BRINP1: variants seen among roughly 807,000 people sequenced by gnomAD.
BRINP1 encodes the protein BMP/retinoic acid inducible neural specific 1.
BRINP1 carries 17 observed loss-of-function variants against 72.9 expected under a neutral mutation model. That is an observed-to-expected ratio of 0.23 (90% confidence interval 0.16 to 0.35). The LOEUF (loss-of-function observed/expected upper bound fraction) is 0.35, where lower values mean the gene tolerates loss of function less well. BRINP1 is among the 10% of genes least tolerant of loss of function. The pLI, the probability that BRINP1 is intolerant of heterozygous loss-of-function variation, is 1.00. For missense variants in BRINP1, 850 were observed against 1,001.6 expected, an observed-to-expected ratio of 0.85 and a Z score of 2.04; for synonymous variants, 418 against 378.5, an observed-to-expected ratio of 1.10 and a Z score of -1.21.
rs145751969 is a variant in BRINP1, at chr9:119,330,206, C to T, written c.-50-16801G>A. On this transcript the variant is annotated intron_variant, in intron 1 of 7. Coordinates refer to ENST00000265922, the MANE Select transcript of BRINP1 (RefSeq NM_014618.3). ...TTCTCTGCCTTTTGCTAAACCAGAGCCATCTAATTTCCCTGTTAAGACTGA... is the reference window on the plus strand; with the variant it reads ...TTCTCTGCCTTTTGCTAAACCAGAGTCATCTAATTTCCCTGTTAAGACTGA... Among the ~76,000 whole-genome samples the T allele has an allele frequency of 5.8e-3, 886 of 152,266 alleles. 6 individuals are homozygous for T. Among genetic ancestry groups the T allele is most frequent in the South Asian group, 0.018 (88 of 4,820 alleles).
intron 1 of BRINP1, among the ~76,000 whole-genome samples, chr9:119,358,382 T>A (rs1831592543): frequency 1.7e-5 from 2 of 116,262 alleles, no homozygotes; most frequent in South Asian, 6.7e-4. Context: ...AGAGTTTATA[T>A]GTATTAAAAA....
At position 119,208,889 on chromosome 9, in the gene BRINP1, G is replaced by A. The variant is rs748085603; in HGVS notation, c.975C>T (p.Ile325=). The change falls in exon 7 of 8, where the codon ATC becomes ATT. Residue 325 remains isoleucine (I), a synonymous_variant. Transcript: ENST00000265922. ...KRLPSNHFLT[I]GSIHQHWGND... ...TGCCCCAGTGCTGATGGATGCTTCC[G>A]ATGGTCAGGAAGTGGTTGCTGGGGA... 26 of 1,614,050 alleles carry A rather than the reference G, an allele frequency of 1.6e-5. No individual in the cohort carries two copies. Among genetic ancestry groups the A allele is most frequent in the East Asian group, 6.7e-5 (3 of 44,880 alleles).
chr9:119,296,672 T>G (rs1176048213), intron 2 of BRINP1, among the ~76,000 whole-genome samples: 2 of 152,168 alleles, frequency 1.3e-5, no homozygotes, highest in Non-Finnish European at 2.9e-5. Flanking sequence ...AAGTGAAACA[T>G]TATTCAACCT....
At chr9:119,209,001 G>T (rs1035111618) in intron 6 of BRINP1, 60 bp from the exon 7 acceptor site, 2 of 1,391,026 alleles carry the variant, frequency 1.4e-6, no homozygotes, top group Admixed American at 1.7e-5. Flanking sequence ...ATCTAAAGTG[G>T]CCTTGAATGC....
At chr9:119,240,596 C>G (rs1260703619) in intron 4 of BRINP1, among the ~76,000 whole-genome samples, 1 of 152,156 alleles carries the variant, frequency 6.6e-6, no homozygotes, top group Admixed American at 6.5e-5. Flanking sequence ...ACTCTGACTC[C>G]GATGGCTTCA....
At chr9:119,198,579 A>C (rs79770895) in intron 7 of BRINP1, among the ~76,000 whole-genome samples, 4,930 of 152,258 alleles carry the variant, frequency 0.032, 237 homozygotes, top group African/African-American at 0.11. Flanking sequence ...CCCAACAGAA[A>C]CATCCACTTC....
intron 3 of BRINP1, among the ~76,000 whole-genome samples, chr9:119,247,930 C>A (rs900271244): frequency 1.4e-4 from 22 of 152,168 alleles, no homozygotes; most frequent in Non-Finnish European, 2.1e-4. Flanking sequence ...ATTTGCCTAA[C>A]CAATCTCTCC....
chr9:119,310,088 A>G (rs1461350370), intron 2 of BRINP1, among the ~76,000 whole-genome samples: 1 of 152,162 alleles, frequency 6.6e-6, no homozygotes, highest in African/African-American at 2.4e-5. Flanking sequence ...ATTTCACAGA[A>G]TCATGGAATT....
At chr9:119,197,975 A>G (rs1829757977) in intron 7 of BRINP1, among the ~76,000 whole-genome samples, 1 of 152,198 alleles carries the variant, frequency 6.6e-6, no homozygotes, top group Admixed American at 6.5e-5. Flanking sequence ...GGGAAGTAAC[A>G]AAAAAATCTG....
At chr9:119,273,686 A>T (rs1473950430) in intron 2 of BRINP1, among the ~76,000 whole-genome samples, 1 of 152,134 alleles carries the variant, frequency 6.6e-6, no homozygotes, top group African/African-American at 2.4e-5. Context: ...CTTCATGATG[A>T]TCTCATTAGT....
intron 5 of BRINP1, among the ~76,000 whole-genome samples, chr9:119,233,707 A>G (rs1830167449): frequency 6.6e-6 from 1 of 152,232 alleles, no homozygotes; most frequent in Non-Finnish European, 1.5e-5. Context: ...AATTTTCACA[A>G]AGCAAACACA....
intron 6 of BRINP1, among the ~76,000 whole-genome samples, chr9:119,211,470 T>TAC (rs145923411): frequency 0.048 from 7,298 of 152,274 alleles, 565 homozygotes; most frequent in African/African-American, 0.17. Context: ...GTGCTGGGAT[T>TAC]ACAGGCATGA....
intron 1 of BRINP1, among the ~76,000 whole-genome samples, chr9:119,350,249 G>A (rs1010775124): frequency 1.3e-5 from 2 of 152,096 alleles, no homozygotes; most frequent in Admixed American, 1.3e-4. Flanking sequence ...TTAGAACAGG[G>A]GAACTTTAAC....
rs1194026132 is a variant in BRINP1 at position 119,368,978 on chromosome 9, G to T, written c.-51+78C>A. 7.7e-6 allele frequency: 3 copies of T among 390,476 alleles called. No homozygotes were observed. The highest frequency in any genetic ancestry group is 1.4e-5 in the Non-Finnish European group (3 of 221,286). 24.2% of individuals were successfully genotyped at this position (390,476 alleles called of 1,614,324 possible). A position where few individuals can be genotyped will look rare whatever the true frequency, so the allele number is the denominator to read the frequency against. Reference sequence around the variant, plus strand: ...GGTAGGGGGAGGGGCAGAGGAGCGCGGGGACGCCCCGAATGCGGCCCGGGG... The same window carrying T: ...GGTAGGGGGAGGGGCAGAGGAGCGCTGGGACGCCCCGAATGCGGCCCGGGG... On this transcript the variant is annotated intron_variant, in intron 1 of 7. Transcript: ENST00000265922. This position sits in a 1 kb window ranked among gnomAD's most constrained non-coding sequence, Gnocchi z 4.7.
intron 6 of BRINP1, among the ~76,000 whole-genome samples, chr9:119,211,201 T>C (rs1178762215): frequency 6.9e-6 from 1 of 145,248 alleles, no homozygotes; most frequent in Non-Finnish European, 1.5e-5. Flanking sequence ...TATTTATTTA[T>C]TTATTTATTT....
In BRINP1 at chr9:119,313,377, C is replaced by G; in HGVS notation, c.-22G>C. 6.2e-7 allele frequency: 1 copy of G among 1,612,520 alleles called. No individual in the cohort carries two copies. Among genetic ancestry groups the G allele is most frequent in the East Asian group, 2.2e-5 (1 of 44,866 alleles). On this transcript the variant is annotated 5_prime_UTR_variant, in exon 2 of 8. Coordinates refer to ENST00000265922, the MANE Select transcript of BRINP1 (RefSeq NM_014618.3). ...TCATGCTTTTCTGCCGGCCTTTTTC[C>G]TCTCATTCTTGCTCCATTCTGTGGA... is the stretch of plus-strand genomic sequence containing the variant.
intron 7 of BRINP1, among the ~76,000 whole-genome samples, chr9:119,183,079 T>G (rs1829575694): frequency 6.6e-6 from 1 of 152,134 alleles, no homozygotes; most frequent in Non-Finnish European, 1.5e-5. Flanking sequence ...GGAACAAAAC[T>G]TGCATCAACA....
rs182025128 is a variant in BRINP1 at position 119,313,306 on chromosome 9, C to T, written c.50G>A (p.Arg17His). 131 of 1,614,050 alleles carry T rather than the reference C, an allele frequency of 8.1e-5. No homozygotes were observed. The East Asian group carries it at 1.9e-3, about 23-fold the overall frequency. ...CTGGTGGGAGGGCTGCACTGAGATACGGCCCCATATAAACAGGAAGTAGAG... is the reference window on the plus strand; with the variant it reads ...CTGGTGGGAGGGCTGCACTGAGATATGGCCCCATATAAACAGGAAGTAGAG... ...ELLYFLFIWG[R>H]ISVQPSHQEP... is the part of the protein sequence containing the mutation. The change falls in exon 2 of 8, where the codon CGT becomes CAT. Residue 17 changes from arginine (R) to histidine (H), a missense_variant. Arg to His is a conservative substitution (Grantham distance 29). Coordinates refer to ENST00000265922, the MANE Select transcript of BRINP1 (RefSeq NM_014618.3).
Position 119,238,689 on chromosome 9 carries a change from A to G in BRINP1, c.651T>C (p.Leu217=), listed in dbSNP as rs1830215589. 1.2e-6 allele frequency: 2 copies of G among 1,612,096 alleles called. No homozygotes were observed. Among genetic ancestry groups the G allele is most frequent in the African/African-American group, 2.7e-5 (2 of 74,930 alleles). Residue 217 remains leucine (L), a synonymous_variant, in exon 5 of 8, where the codon CTT becomes CTC. Transcript: ENST00000265922. ...YDNLDSVSSV[L]LQSTESKLHL... ...GCAGTTTGCTCTCCGTGCTTTGCAG[A>G]AGGACGGAACTCACAGAGTCCAGAT...
Sources: gnomAD v4.1 joint callset for allele counts (sites outside exome capture counted in the v4.1 genomes callset) on GRCh38, gnomAD v4.1.1 for gene constraint, Gnocchi (gnomAD v3.1) non-coding constraint, MANE v1.5 for transcripts, NCBI Gene and HGNC (gene_info 2026-07-23, HGNC 2026-07-21) for gene names.